The following KLF8 variants were observed in gnomAD, a reference collection of about 807,000 sequenced individuals.
The protein encoded by KLF8 is KLF transcription factor 8.
KLF8 carries 10 observed loss-of-function variants against 18.2 expected under a neutral mutation model. The observed-to-expected ratio is 0.55, with a 90% CI of 0.34 to 0.93. KLF8 has a LOEUF of 0.93. Ranked by LOEUF, KLF8 falls within the 40% of genes least tolerant of loss-of-function variation. KLF8 has a pLI of 0.02. For missense variants in KLF8, 264 were observed against 277.9 expected (o/e 0.95, Z 0.36); for synonymous variants, 109 against 97.3 (o/e 1.12, Z -0.71).
At chrX:56,181,488 G>A in the KLF8 span, among the ~76,000 whole-genome samples, 7 of 111,566 alleles carry the variant, frequency 6.3e-5, no homozygotes, top group Admixed American at 6.7e-4. Flanking sequence ...TGTTATATGT[G>A]AATTTGATCC....
At chrX:55,940,942 A>T in the KLF8 span, among the ~76,000 whole-genome samples, 13 of 111,730 alleles carry the variant, frequency 1.2e-4, no homozygotes, top group Non-Finnish European at 2.1e-4. Flanking sequence ...GAAAATGGCC[A>T]TACTGCCCAA....
the KLF8 span, among the ~76,000 whole-genome samples, chrX:56,068,455 T>G: frequency 2.1e-4 from 24 of 112,078 alleles, no homozygotes; most frequent in African/African-American, 7.4e-4. Flanking sequence ...CAACACTTCC[T>G]AGAGCTTCCT....
the KLF8 span, among the ~76,000 whole-genome samples, chrX:56,065,254 G>A: frequency 1.8e-5 from 2 of 111,337 alleles, no homozygotes; most frequent in Admixed American, 9.5e-5. Context: ...TGTCCCATAT[G>A]TCCTGTTGAC....
the KLF8 span, among the ~76,000 whole-genome samples, chrX:56,021,858 G>A: frequency 9.1e-6 from 1 of 109,565 alleles, no homozygotes; most frequent in African/African-American, 3.3e-5. Flanking sequence ...GGAACAGCAG[G>A]CCTTGTGCAG....
the KLF8 span, among the ~76,000 whole-genome samples, chrX:56,196,129 G>C: frequency 8.9e-6 from 1 of 111,769 alleles, no homozygotes; most frequent in African/African-American, 3.3e-5. Flanking sequence ...GCAAAGACAT[G>C]CCAAATTGTA....
the KLF8 span, among the ~76,000 whole-genome samples, chrX:56,210,925 A>C: frequency 9.2e-6 from 1 of 109,188 alleles, no homozygotes; most frequent in Non-Finnish European, 1.9e-5. Flanking sequence ...TTTTTCTGAC[A>C]GAATTATGAA....
the KLF8 span, among the ~76,000 whole-genome samples, chrX:56,000,501 T>TA: frequency 4.8e-5 from 5 of 104,670 alleles, no homozygotes; most frequent in East Asian, 1.6e-3. Flanking sequence ...GATTTTTTTT[T>TA]ATTACTGATT....
intron 5 of KLF8, among the ~76,000 whole-genome samples, chrX:56,278,624 A>C (rs767326167): frequency 1.8e-5 from 2 of 111,417 alleles, no homozygotes; most frequent in Non-Finnish European, 3.8e-5. Context: ...GGGTTGGGGA[A>C]GGGGTGGTGC....
At chrX:56,178,073 C>T in the KLF8 span, among the ~76,000 whole-genome samples, 5 of 112,067 alleles carry the variant, frequency 4.5e-5, no homozygotes, top group Non-Finnish European at 9.4e-5. Context: ...CCTCTCCCTG[C>T]TTTGGCTCAC....
At chrX:55,916,329 G>A in the KLF8 span, among the ~76,000 whole-genome samples, 1 of 111,634 alleles carries the variant, frequency 9.0e-6, no homozygotes, top group African/African-American at 3.3e-5. Flanking sequence ...CCGTAGCCCT[G>A]GCCTACTTGA....
the KLF8 span, among the ~76,000 whole-genome samples, chrX:56,109,148 G>GC: frequency 2.7e-5 from 3 of 111,127 alleles, no homozygotes; most frequent in African/African-American, 9.8e-5. Context: ...TGTAATCCCA[G>GC]CACTTGGAGA....
chrX:55,937,068 A>T, the KLF8 span, among the ~76,000 whole-genome samples: 1 of 111,622 alleles, frequency 9.0e-6, no homozygotes, highest in East Asian at 2.8e-4. Flanking sequence ...GAACGGGCAG[A>T]CTGCCTCCTC....
the KLF8 span, among the ~76,000 whole-genome samples, chrX:56,063,549 G>A: frequency 2.7e-5 from 3 of 111,530 alleles, no homozygotes; most frequent in Non-Finnish European, 5.7e-5. Context: ...TGTCCCAGAG[G>A]GGCACCCACC....
At chrX:55,947,538 A>G in the KLF8 span, among the ~76,000 whole-genome samples, 2 of 108,377 alleles carry the variant, frequency 1.8e-5, no homozygotes, top group African/African-American at 6.8e-5. Context: ...CCTAATGCTA[A>G]ATGACGAGTT....
the KLF8 span, among the ~76,000 whole-genome samples, chrX:55,988,358 C>A: frequency 9.0e-6 from 1 of 111,250 alleles, no homozygotes; most frequent in Admixed American, 9.5e-5. Context: ...GTCTTTAATC[C>A]ATCTTGAATT....
the KLF8 span, among the ~76,000 whole-genome samples, chrX:56,037,501 A>T: frequency 9.9e-5 from 11 of 111,455 alleles, no homozygotes; most frequent in Non-Finnish European, 1.7e-4. Flanking sequence ...TAATTTTTTT[A>T]AAAAAGTTTG....
the KLF8 span, among the ~76,000 whole-genome samples, chrX:56,135,512 G>A: frequency 9.1e-6 from 1 of 110,155 alleles, no homozygotes; most frequent in Non-Finnish European, 1.9e-5. Flanking sequence ...GAGAACACAT[G>A]GACACAGGAA....
chrX:56,135,492 A>G, the KLF8 span, among the ~76,000 whole-genome samples: 1 of 110,404 alleles, frequency 9.1e-6, no homozygotes, highest in Non-Finnish European at 1.9e-5. Flanking sequence ...ATAGGTGGGA[A>G]TTGAACAATG....
the KLF8 span, among the ~76,000 whole-genome samples, chrX:56,078,985 G>T: frequency 1.2e-5 from 1 of 84,501 alleles, no homozygotes; most frequent in Non-Finnish European, 3.0e-5. Context: ...GATCGATGGT[G>T]ATATCCCCTT....
Sources: gnomAD v4.1 joint callset for allele counts (sites outside exome capture counted in the v4.1 genomes callset) on GRCh38, gnomAD v4.1.1 for gene constraint, MANE v1.5 for transcripts, NCBI Gene and HGNC (gene_info 2026-07-23, HGNC 2026-07-21) for gene names.